The following OSBPL6 variants were observed in gnomAD, a reference collection of about 807,000 sequenced individuals.
OSBPL6 encodes oxysterol binding protein like 6, also known as oxysterol-binding protein-related protein 6.
In OSBPL6, 49 loss-of-function variants were observed where a neutral mutation model predicts 125.8. That is an observed-to-expected ratio of 0.39 (90% CI 0.31 to 0.49). OSBPL6 has a LOEUF of 0.49. Among genes scored for constraint, OSBPL6 ranks in the 20% least tolerant of loss-of-function variants. The pLI, the probability that OSBPL6 is intolerant of heterozygous loss-of-function variation, is 0.88. For missense variants in OSBPL6, 986 were observed against 1,135.4 expected, an observed-to-expected ratio of 0.87 and a Z score of 1.89; for synonymous variants, 394 against 391.8, an observed-to-expected ratio of 1.01 and a Z score of -0.07.
intron 1 of OSBPL6, among the ~76,000 whole-genome samples, chr2:178,238,303 ATC>A (rs1181106830): frequency 6.6e-6 from 1 of 152,164 alleles, no homozygotes; most frequent in African/African-American, 2.4e-5. Flanking sequence ...GATATGAATC[ATC>A]TCTTTTTCCA....
chr2:178,231,638 A>AT (rs71023433), intron 1 of OSBPL6, among the ~76,000 whole-genome samples: 3,795 of 84,544 alleles, frequency 0.045, 341 homozygotes, highest in African/African-American at 0.08. Flanking sequence ...GGGTGGTCCC[A>AT]TTTTTTTTTT....
At chr2:178,327,944 G>A (rs1428430435) in intron 4 of OSBPL6, among the ~76,000 whole-genome samples, 1 of 152,148 alleles carries the variant, frequency 6.6e-6, no homozygotes, top group African/African-American at 2.4e-5. Flanking sequence ...GGGATTCACT[G>A]TCTGGAAAAA....
At position 178,376,302 on chromosome 2, in the gene OSBPL6, A is replaced by G. The variant is rs560052178; in HGVS notation, c.1533+2275A>G. ...CCTGCCCATACCTCTCATATCGCCTATCTAAGTGCCCCCTACCCAACTATT... is the reference window on the plus strand; with the variant it reads ...CCTGCCCATACCTCTCATATCGCCTGTCTAAGTGCCCCCTACCCAACTATT... On this transcript the variant is annotated intron_variant, in intron 15 of 24. Coordinates refer to ENST00000190611, the MANE Select transcript of OSBPL6 (RefSeq NM_032523.4). 3.9e-5 allele frequency among the ~76,000 whole-genome samples: 6 copies of G among 152,146 alleles called. No homozygotes were observed. The South Asian group carries it at 1.0e-3, about 26-fold the overall frequency.
intron 2 of OSBPL6, among the ~76,000 whole-genome samples, chr2:178,288,962 T>C (rs186762015): frequency 1.2e-3 from 178 of 150,096 alleles, no homozygotes; most frequent in Middle Eastern, 0.011. Context: ...GGACGTTTTT[T>C]CTTTATTAAG....
At chr2:178,267,761 A>G (rs1223756877) in intron 1 of OSBPL6, among the ~76,000 whole-genome samples, 10 of 152,150 alleles carry the variant, frequency 6.6e-5, no homozygotes, top group South Asian at 2.1e-4. Context: ...AGGAATTTAC[A>G]TTTTAAATTG....
intron 1 of OSBPL6, among the ~76,000 whole-genome samples, chr2:178,227,419 T>G (rs1336891761): frequency 6.6e-6 from 1 of 152,218 alleles, no homozygotes; most frequent in Non-Finnish European, 1.5e-5. Flanking sequence ...CCAGTCACAT[T>G]TCCTGCAACT....
chr2:178,211,160 C>A (rs931659947), intron 1 of OSBPL6, among the ~76,000 whole-genome samples: 2 of 152,170 alleles, frequency 1.3e-5, no homozygotes, highest in South Asian at 4.2e-4. Context: ...AGTCCCAGCT[C>A]CTCACGAGGC....
rs564991638 is a variant in OSBPL6 at position 178,376,096 on chromosome 2, C to T, written c.1533+2069C>T. On this transcript the variant is annotated intron_variant, in intron 15 of 24. Coordinates refer to ENST00000190611, the MANE Select transcript of OSBPL6 (RefSeq NM_032523.4). ...CCTCTCAGTGGAGTTACCTGTCAGG[C>T]ATTTGCATATTTAAGTCTAAAACTC... Among the ~76,000 whole-genome samples, 6 of 152,182 alleles carry T rather than the reference C, an allele frequency of 3.9e-5. No homozygotes were observed. The East Asian group carries it at 1.2e-3, about 29-fold the overall frequency.
chr2:178,271,248 A>G (rs1300062104), intron 1 of OSBPL6, among the ~76,000 whole-genome samples: 1 of 152,220 alleles, frequency 6.6e-6, no homozygotes. Flanking sequence ...ATTTAAATAC[A>G]GGAAGCTTTA....
intron 1 of OSBPL6, among the ~76,000 whole-genome samples, chr2:178,220,057 T>G (rs2090270798): frequency 6.6e-6 from 1 of 152,186 alleles, no homozygotes; most frequent in Non-Finnish European, 1.5e-5. Flanking sequence ...GCTGTAGGTC[T>G]AAAAGCTGAC....
chr2:178,209,617 A>G (rs55819460), intron 1 of OSBPL6, among the ~76,000 whole-genome samples: 20,994 of 151,730 alleles, frequency 0.14, 1,680 homozygotes, highest in Middle Eastern at 0.23. Context: ...GTTTTTCCTC[A>G]GATATCTGGT....
At chr2:178,264,336 C>G (rs1189712329) in intron 1 of OSBPL6, among the ~76,000 whole-genome samples, 1 of 152,064 alleles carries the variant, frequency 6.6e-6, no homozygotes, top group Non-Finnish European at 1.5e-5. Flanking sequence ...AATGTTAACT[C>G]CTGAAAATTG....
At position 178,398,125 on chromosome 2, in the gene OSBPL6, A is replaced by G. The variant is rs1476187754; in HGVS notation, c.*2566A>G. On this transcript the variant is annotated 3_prime_UTR_variant, in exon 25 of 25. Coordinates refer to ENST00000190611, the MANE Select transcript of OSBPL6 (RefSeq NM_032523.4). ...TTTTTATTGACATGGTGGTTATAAAATGAAGAGACTTACTCTATTGGAATT... is the reference window on the plus strand; with the variant it reads ...TTTTTATTGACATGGTGGTTATAAAGTGAAGAGACTTACTCTATTGGAATT... 1 of 152,240 alleles carries G rather than the reference A, an allele frequency of 6.6e-6. No individual in the cohort carries two copies. Among genetic ancestry groups the G allele is most frequent in the Non-Finnish European group, 1.5e-5 (1 of 68,046 alleles). The allele number at this position is 152,240 out of a possible 1,614,324, so 9.4% of individuals were successfully genotyped here.
chr2:178,372,782 G>C (rs1199471448), intron 14 of OSBPL6, among the ~76,000 whole-genome samples: 1 of 152,160 alleles, frequency 6.6e-6, no homozygotes, highest in Non-Finnish European at 1.5e-5. Context: ...TAATGACTTT[G>C]CATGTGTTAT....
At chr2:178,323,123 C>T (rs1393850721) in intron 3 of OSBPL6, among the ~76,000 whole-genome samples, 1 of 152,104 alleles carries the variant, frequency 6.6e-6, no homozygotes, top group Non-Finnish European at 1.5e-5. Context: ...CCCGCAAGGG[C>T]TTTAATATAA....
intron 11 of OSBPL6, among the ~76,000 whole-genome samples, chr2:178,345,917 G>A (rs79705595): frequency 0.063 from 9,592 of 152,216 alleles, 388 homozygotes; most frequent in South Asian, 0.15. Flanking sequence ...AAAATTGAGA[G>A]TAGAAGAGAA....
chr2:178,216,529 T>C (rs2090100497), intron 1 of OSBPL6, among the ~76,000 whole-genome samples: 1 of 152,172 alleles, frequency 6.6e-6, no homozygotes, highest in South Asian at 2.1e-4. Context: ...CTTTTATTGG[T>C]TGAGAATGCT....
intron 2 of OSBPL6, among the ~76,000 whole-genome samples, chr2:178,305,342 A>G (rs1559223876): frequency 1.3e-5 from 2 of 152,202 alleles, no homozygotes; most frequent in African/African-American, 4.8e-5. Context: ...AATACTAACA[A>G]TGCAAACCTT....
At chr2:178,366,618 T>C (rs1459191896) in intron 13 of OSBPL6, among the ~76,000 whole-genome samples, 1 of 152,156 alleles carries the variant, frequency 6.6e-6, no homozygotes, top group Non-Finnish European at 1.5e-5. Flanking sequence ...GAAATGTAAA[T>C]AGAATTGAAG....
Sources: allele counts gnomAD v4.1 joint callset (sites outside exome capture counted in the v4.1 genomes callset), GRCh38; gene constraint gnomAD v4.1.1; transcripts MANE v1.5; gene names NCBI Gene and HGNC (gene_info 2026-07-23, HGNC 2026-07-21).